The following KCND2 variants were observed in gnomAD, a reference collection of about 807,000 sequenced individuals.
KCND2 encodes A-type voltage-gated potassium channel KCND2.
A neutral mutation model predicts 54.4 loss-of-function variants in KCND2; 16 were observed. The ratio of observed to expected loss-of-function variants is 0.29; its 90% CI spans 0.20 to 0.45. The LOEUF (loss-of-function observed/expected upper bound fraction) is 0.45. Ranked by LOEUF, KCND2 falls within the 20% of genes least tolerant of loss-of-function variation. KCND2 has a pLI of 1.00. For missense variants in KCND2, 486 were observed against 824.2 expected, an observed-to-expected ratio of 0.59 and a Z score of 5.02; for synonymous variants, 317 against 310.7, an observed-to-expected ratio of 1.02 and a Z score of -0.21.
chr7:120,402,507 A>T (rs1417878292), intron 1 of KCND2, among the ~76,000 whole-genome samples: 1 of 152,154 alleles, frequency 6.6e-6, no homozygotes, highest in African/African-American at 2.4e-5. Context: ...ATATTGAAGG[A>T]GGCAGTATCA....
At chr7:120,636,291 G>GTAAGCA (rs1428044229) in intron 1 of KCND2, among the ~76,000 whole-genome samples, 1 of 152,014 alleles carries the variant, frequency 6.6e-6, no homozygotes, top group African/African-American at 2.4e-5. Flanking sequence ...CAGAGGTGAT[G>GTAAGCA]GTGTGTAAGG....
At chr7:120,397,993 GTGTATATATATATA>G (rs1448193209) in intron 1 of KCND2, among the ~76,000 whole-genome samples, 64 of 39,986 alleles carry the variant, frequency 1.6e-3, no homozygotes, top group African/African-American at 3.0e-3. Context: ...GTGTGTGTGT[GTGTATATATATATA>G]TATATATATA....
At chr7:120,595,589 G>GTATATATATA (rs1358227121) in intron 1 of KCND2, among the ~76,000 whole-genome samples, 1 of 40,436 alleles carries the variant, frequency 2.5e-5, no homozygotes, top group African/African-American at 6.4e-5. Context: ...ATGTGTGTGT[G>GTATATATATA]TGTATATATA....
chr7:120,316,088 T>C (rs1173382910), intron 1 of KCND2, among the ~76,000 whole-genome samples: 1 of 152,192 alleles, frequency 6.6e-6, no homozygotes, highest in East Asian at 1.9e-4. Flanking sequence ...AAAAACTAAA[T>C]ACATTCATGG....
At chr7:120,311,284 T>C (rs1799732637) in intron 1 of KCND2, among the ~76,000 whole-genome samples, 1 of 152,142 alleles carries the variant, frequency 6.6e-6, no homozygotes, top group South Asian at 2.1e-4. Context: ...TTAAAGGAGG[T>C]ATTTTGCACA....
At chr7:120,719,759 T>C in intron 1 of KCND2, among the ~76,000 whole-genome samples, 1 of 152,156 alleles carries the variant, frequency 6.6e-6, no homozygotes, top group South Asian at 2.1e-4. Flanking sequence ...CCCGGAATAG[T>C]ATTCATTTTT....
At chr7:120,566,988 A>AT (rs1792307118) in intron 1 of KCND2, among the ~76,000 whole-genome samples, 1 of 152,030 alleles carries the variant, frequency 6.6e-6, no homozygotes, top group Non-Finnish European at 1.5e-5. Flanking sequence ...AACAGCAAAC[A>AT]TTTTGTCTGT....
chr7:120,615,693 C>T (rs1793015431), intron 1 of KCND2, among the ~76,000 whole-genome samples: 1 of 152,190 alleles, frequency 6.6e-6, no homozygotes, highest in South Asian at 2.1e-4. Flanking sequence ...TTTTGTTCAG[C>T]ATTTCTCTAG....
rs151034331 is a variant in KCND2, at chr7:120,726,592, G to T, written c.1116-6311G>T. Among the ~76,000 whole-genome samples, 21 of 152,258 alleles carry T rather than the reference G, an allele frequency of 1.4e-4. 2 individuals are homozygous for T. In the East Asian group the frequency reaches 4.0e-3, roughly 29 times the overall value. ...GTCAATAATTTAAACGCACATAGACGTACACACATAATCAACTAACGGCTT... is the reference window on the plus strand; with the variant it reads ...GTCAATAATTTAAACGCACATAGACTTACACACATAATCAACTAACGGCTT... On this transcript the variant is annotated intron_variant, in intron 1 of 5. Coordinates refer to ENST00000331113, the MANE Select transcript of KCND2 (RefSeq NM_012281.3).
chr7:120,472,189 G>GT (rs1002258476), intron 1 of KCND2, among the ~76,000 whole-genome samples: 3 of 151,704 alleles, frequency 2.0e-5, no homozygotes, highest in African/African-American at 7.2e-5. Flanking sequence ...CCTGAATCTT[G>GT]TTTTTTTCTT....
At chr7:120,686,172 A>T (rs1792198989) in intron 1 of KCND2, among the ~76,000 whole-genome samples, 1 of 152,134 alleles carries the variant, frequency 6.6e-6, no homozygotes, top group African/African-American at 2.4e-5. Context: ...GGATATTTAG[A>T]TTTTTTCCAT....
chr7:120,322,821 G>A (rs1437303405), intron 1 of KCND2, among the ~76,000 whole-genome samples: 1 of 151,656 alleles, frequency 6.6e-6, no homozygotes, highest in Non-Finnish European at 1.5e-5. Context: ...CTGAATACAC[G>A]GTGTTTAAGG....
intron 1 of KCND2, among the ~76,000 whole-genome samples, chr7:120,566,024 G>A (rs1792292820): frequency 6.6e-6 from 1 of 152,144 alleles, no homozygotes; most frequent in African/African-American, 2.4e-5. Flanking sequence ...TTCAGGGATA[G>A]CTGATGGTTA....
At chr7:120,586,170 CACACACACACACAA>C (rs1230883271) in intron 1 of KCND2, among the ~76,000 whole-genome samples, 1 of 151,824 alleles carries the variant, frequency 6.6e-6, no homozygotes, top group Non-Finnish European at 1.5e-5. Context: ...CACACAGACA[CACACACACACACAA>C]ACACACACAC....
At chr7:120,420,553 G>A (rs1174592090) in intron 1 of KCND2, among the ~76,000 whole-genome samples, 2 of 152,176 alleles carry the variant, frequency 1.3e-5, no homozygotes, top group African/African-American at 2.4e-5. Context: ...ACAGCAGAGA[G>A]GTACTGGGTG....
At chr7:120,284,841 C>T (rs1487472669) in intron 1 of KCND2, among the ~76,000 whole-genome samples, 1 of 152,088 alleles carries the variant, frequency 6.6e-6, no homozygotes, top group Non-Finnish European at 1.5e-5. Flanking sequence ...TACTTTATGC[C>T]TATTTCCACC....
At chr7:120,364,186 T>TA (rs2116404738) in intron 1 of KCND2, among the ~76,000 whole-genome samples, 1 of 152,328 alleles carries the variant, frequency 6.6e-6, no homozygotes, top group East Asian at 1.9e-4. Flanking sequence ...CATCTTCATG[T>TA]ATCTGGTTTA....
intron 1 of KCND2, among the ~76,000 whole-genome samples, chr7:120,503,453 G>T (rs1609181): frequency 6.6e-6 from 1 of 151,548 alleles, no homozygotes; most frequent in South Asian, 2.1e-4. Context: ...GCAGAGACTT[G>T]TATGTACTTT....
At chr7:120,636,571 C>T (rs964659361) in intron 1 of KCND2, among the ~76,000 whole-genome samples, 41 of 152,020 alleles carry the variant, frequency 2.7e-4, no homozygotes, top group Non-Finnish European at 7.4e-5. Context: ...AATTTTTTGC[C>T]GTGCTTGCCA....
Sources: allele counts gnomAD v4.1 joint callset (sites outside exome capture counted in the v4.1 genomes callset), GRCh38; gene constraint gnomAD v4.1.1; transcripts MANE v1.5; gene names NCBI Gene and HGNC (gene_info 2026-07-23, HGNC 2026-07-21).